The following TRAF3 variants were observed in gnomAD, a reference collection of about 807,000 sequenced individuals.
TRAF3 encodes TNF receptor-associated factor 3.
TRAF3 carries 13 observed loss-of-function variants against 62.3 expected under a neutral mutation model. The observed-to-expected ratio is 0.21, with a 90% CI of 0.14 to 0.33. The LOEUF (loss-of-function observed/expected upper bound fraction) is 0.33, where lower values mean the gene tolerates loss of function less well. TRAF3 is among the 10% of genes least tolerant of loss of function. The probability of loss-of-function intolerance (pLI) is 1.00; values close to 1 mark genes in which losing one functional copy is unlikely to be tolerated. For missense variants in TRAF3, 440 were observed against 741.8 expected, an observed-to-expected ratio of 0.59 and a Z score of 4.73; for synonymous variants, 269 against 283.4, an observed-to-expected ratio of 0.95 and a Z score of 0.51.
At chr14:102,889,317 A>G (rs1318742027) in intron 7 of TRAF3, among the ~76,000 whole-genome samples, 1 of 152,242 alleles carries the variant, frequency 6.6e-6, no homozygotes, top group African/African-American at 2.4e-5. Context: ...TTTGTTCTAA[A>G]GAAACTGGAA....
chr14:102,833,555 A>T (rs140372116), intron 2 of TRAF3, among the ~76,000 whole-genome samples: 55 of 152,322 alleles, frequency 3.6e-4, no homozygotes, highest in African/African-American at 1.1e-3. Flanking sequence ...GAGTATAGAG[A>T]TGACTGAGGA....
chr14:102,802,151 C>T (rs577895668), intron 1 of TRAF3, among the ~76,000 whole-genome samples: 1 of 135,500 alleles, frequency 7.4e-6, no homozygotes, highest in Non-Finnish European at 1.6e-5. Flanking sequence ...TGCACCTGGA[C>T]TCATTTTTTT....
intron 1 of TRAF3, among the ~76,000 whole-genome samples, chr14:102,805,653 T>C (rs970256134): frequency 3.9e-5 from 6 of 152,170 alleles, no homozygotes; most frequent in African/African-American, 1.4e-4. Context: ...CAGTTTTACA[T>C]AGGGAAAGAA....
In TRAF3 at chr14:102,872,115, A is replaced by C. The variant is rs559540949; in HGVS notation, c.297+147A>C. 88 of 822,954 alleles carry C rather than the reference A, an allele frequency of 1.1e-4. 3 individuals carry two copies. In the South Asian group the frequency reaches 1.1e-3, roughly 11 times the overall value. 51.0% of individuals were successfully genotyped at this position (822,954 alleles called of 1,614,324 possible). A position where few individuals can be genotyped will look rare whatever the true frequency, so the allele number is the denominator to read the frequency against. Reference sequence around the variant, plus strand: ...AGGCTCCCAGGCAGGACACTGTGCCATGTGATCACCTGGGCAGACAGTGGA... The same window carrying C: ...AGGCTCCCAGGCAGGACACTGTGCCCTGTGATCACCTGGGCAGACAGTGGA... On this transcript the variant is annotated intron_variant, in intron 4 of 11. Coordinates refer to ENST00000392745, the MANE Select transcript of TRAF3 (RefSeq NM_145725.3).
chr14:102,785,183 G>T (rs1304285220), intron 1 of TRAF3, among the ~76,000 whole-genome samples: 1 of 152,198 alleles, frequency 6.6e-6, no homozygotes, highest in East Asian at 1.9e-4. Flanking sequence ...TAAACAAATT[G>T]TGTATTTTTC....
intron 9 of TRAF3, among the ~76,000 whole-genome samples, chr14:102,896,426 T>G (rs1427006541): frequency 1.3e-5 from 2 of 152,172 alleles, no homozygotes; most frequent in Non-Finnish European, 2.9e-5. Flanking sequence ...GCCTGGCTTA[T>G]TTCAGTTAGC....
chr14:102,779,939 A>C (rs1424491022), intron 1 of TRAF3, among the ~76,000 whole-genome samples: 2 of 152,244 alleles, frequency 1.3e-5, no homozygotes. Flanking sequence ...CTCGTGGCCA[A>C]GGCCCTTAGG....
At chr14:102,783,843 G>T (rs532850090) in intron 1 of TRAF3, among the ~76,000 whole-genome samples, 6 of 152,116 alleles carry the variant, frequency 3.9e-5, no homozygotes, top group African/African-American at 1.4e-4. Flanking sequence ...AGGCTGCTTG[G>T]CCCCGCTGAA....
rs139044641 is a variant in TRAF3 at position 102,794,617 on chromosome 14, C to T, written c.-157+16942C>T. 3.6e-3 allele frequency among the ~76,000 whole-genome samples: 542 copies of T among 152,214 alleles called. 3 individuals carry two copies. Among genetic ancestry groups the T allele is most frequent in the Non-Finnish European group, 4.4e-3 (297 of 68,012 alleles). ...CCCTAACTCTTGATGAAAGGAGGGT[C>T]GAAGAATTTGTGACTGTCCTTGATC... On this transcript the variant is annotated intron_variant, in intron 1 of 11. Coordinates refer to ENST00000392745, the MANE Select transcript of TRAF3 (RefSeq NM_145725.3).
At chr14:102,827,450 C>A (rs1000220004) in intron 1 of TRAF3, among the ~76,000 whole-genome samples, 1 of 152,164 alleles carries the variant, frequency 6.6e-6, no homozygotes, top group Non-Finnish European at 1.5e-5. Flanking sequence ...ACACAAAATT[C>A]TTTTCATATA....
intron 2 of TRAF3, among the ~76,000 whole-genome samples, chr14:102,832,942 A>G (rs1396644375): frequency 6.6e-6 from 1 of 152,240 alleles, no homozygotes; most frequent in Non-Finnish European, 1.5e-5. Flanking sequence ...AAAATCTGAG[A>G]ATTATAGAAA....
At chr14:102,895,151 A>C (rs1889935220) in intron 9 of TRAF3, 1 of 455,384 alleles carries the variant, frequency 2.2e-6, no homozygotes, top group Admixed American at 2.4e-5. Flanking sequence ...TTTCAGAGGG[A>C]CACAACTACC....
chr14:102,875,528 G>T (rs973082265), intron 4 of TRAF3, 96 bp from the exon 5 acceptor site: 25 of 839,734 alleles, frequency 3.0e-5, no homozygotes, highest in South Asian at 2.8e-4. Context: ...TTCCTCTCTT[G>T]TTTTTTTTTT....
intron 6 of TRAF3, among the ~76,000 whole-genome samples, chr14:102,883,002 C>T (rs1448929215): frequency 3.3e-5 from 5 of 152,168 alleles, no homozygotes; most frequent in Non-Finnish European, 7.3e-5. Context: ...GGAAAGCATA[C>T]GTGGTACAAG....
chr14:102,809,719 A>G (rs1407252836), intron 1 of TRAF3, among the ~76,000 whole-genome samples: 2 of 151,066 alleles, frequency 1.3e-5, no homozygotes, highest in Admixed American at 6.6e-5. Context: ...TTTAGTAGAG[A>G]TGGGGTTTCA....
At chr14:102,841,242 G>T (rs1301083183) in intron 2 of TRAF3, among the ~76,000 whole-genome samples, 5 of 152,186 alleles carry the variant, frequency 3.3e-5, no homozygotes, top group South Asian at 2.1e-4. Context: ...AGAGGAGGGA[G>T]CAGGTTAGAG....
At chr14:102,893,344 C>T (rs373999005) in intron 9 of TRAF3, among the ~76,000 whole-genome samples, 2 of 150,114 alleles carry the variant, frequency 1.3e-5, no homozygotes, top group African/African-American at 2.5e-5. Context: ...GAGCCAAGAT[C>T]GCGCCACTGC....
At chr14:102,801,596 A>G (rs1466837678) in intron 1 of TRAF3, among the ~76,000 whole-genome samples, 3 of 152,058 alleles carry the variant, frequency 2.0e-5, no homozygotes, top group South Asian at 2.1e-4. Context: ...GTGCAGTAGT[A>G]CAATCACAGC....
rs928380004 is a variant in TRAF3 at position 102,897,590 on chromosome 14, C to T, written c.960+189C>T. ...CTAGCACAGGCCCGGCCTGGGAAGC[C>T]GCAGGTCAGCGTTTTCAAACTGCCT... On this transcript the variant is annotated intron_variant, in intron 10 of 11. Transcript: ENST00000392745. Among the ~76,000 whole-genome samples, 6 of 152,238 alleles carry T rather than the reference C, an allele frequency of 3.9e-5. No homozygotes were observed. The East Asian group carries it at 5.8e-4, about 15-fold the overall frequency.
Sources: gnomAD v4.1 joint callset for allele counts (sites outside exome capture counted in the v4.1 genomes callset) on GRCh38, gnomAD v4.1.1 for gene constraint, MANE v1.5 for transcripts, NCBI Gene and HGNC (gene_info 2026-07-23, HGNC 2026-07-21) for gene names.